Variants in POLK observed in about 807,000 individuals in gnomAD.
POLK encodes DNA polymerase kappa, also known as polymerase (DNA directed) kappa.
Under a neutral mutation model 94.0 loss-of-function variants are expected in POLK, and 76 were observed. The ratio of observed to expected loss-of-function variants is 0.81; its 90% CI spans 0.67 to 0.98. The LOEUF (loss-of-function observed/expected upper bound fraction) is 0.98, where lower values mean the gene tolerates loss of function less well. Among genes scored for constraint, POLK ranks in the 50% least tolerant of loss-of-function variants. The pLI is 0.00. For missense variants in POLK, 954 were observed against 1,010.1 expected, an observed-to-expected ratio of 0.94 and a Z score of 0.75; for synonymous variants, 349 against 325.4, an observed-to-expected ratio of 1.07 and a Z score of -0.78.
chr5:75,583,498 C>A, intron 8 of POLK, 81 bp downstream of exon 8: 1 of 793,778 alleles, frequency 1.3e-6, no homozygotes. Flanking sequence ...GTTAATCATT[C>A]TTTGCTTAAA....
chr5:75,581,647 C>T (rs1015042657), intron 7 of POLK, 199 bp downstream of exon 7: 2 of 526,268 alleles, frequency 3.8e-6, no homozygotes, highest in African/African-American at 2.0e-5. Flanking sequence ...GACTATGAGC[C>T]TGAAGGAAAA....
At chr5:75,549,685 A>G (rs1178451474) in intron 2 of POLK, among the ~76,000 whole-genome samples, 2 of 152,176 alleles carry the variant, frequency 1.3e-5, no homozygotes, top group East Asian at 3.9e-4. Flanking sequence ...CCATAGCAAT[A>G]CAATTTACTT....
At chr5:75,587,096 C>A in intron 10 of POLK, 38 bp downstream of exon 10, 1 of 1,159,224 alleles carries the variant, frequency 8.6e-7, no homozygotes, top group Non-Finnish European at 1.3e-6. Flanking sequence ...GTGCATAATT[C>A]ATGTTATTTT....
rs200403831 is a variant in POLK, at chr5:75,558,235, G to GT, written c.255+5656dup. On this transcript the variant is annotated intron_variant, in intron 3 of 14. Coordinates refer to ENST00000241436, the Ensembl canonical transcript of POLK. ...CAATATTCTTATAATTTTTGTTGTT[G>GT]TTTTTTTTTTTTGGTCTGGGTATTG... Among the ~76,000 whole-genome samples the GT allele has an allele frequency of 5.3e-3, 714 of 134,090 alleles. 5 individuals are homozygous for GT. The highest frequency in any genetic ancestry group is 0.016 in the African/African-American group (538 of 34,576). The allele number at this position is 134,090 out of a possible 152,430, so 88.0% of individuals were successfully genotyped here. A position where few individuals can be genotyped will look rare whatever the true frequency, so the allele number is the denominator to read the frequency against.
In POLK at chr5:75,573,753, C is replaced by T. The variant is rs543440102; in HGVS notation, c.424C>T (p.His142Tyr). ...TTTCTTTCAGTCTACTTCAAATTAC[C>T]ATGCAAGGAGATTTGGTGTTCGTGC... The change falls in exon 5 of 15, where the codon CAT (histidine) becomes TAT (tyrosine). Residue 142 changes from histidine to tyrosine, a missense_variant. By Grantham distance (83) the His-to-Tyr change is moderately conservative. Coordinates refer to ENST00000241436, the Ensembl canonical transcript of POLK. 201 of 1,612,686 alleles carry T rather than the reference C, an allele frequency of 1.2e-4. 7 individuals are homozygous for T. The South Asian group carries it at 2.1e-3, about 17-fold the overall frequency.
At chr5:75,549,810 G>A (rs111843389) in intron 2 of POLK, among the ~76,000 whole-genome samples, 49 of 152,076 alleles carry the variant, frequency 3.2e-4, no homozygotes, top group African/African-American at 1.2e-3. Context: ...CAACATTTTT[G>A]CAAATATAGT....
chr5:75,581,391 G>A (rs780166089), exon 7 of POLK: 14 of 1,613,402 alleles, frequency 8.7e-6, no homozygotes, highest in Admixed American at 1.7e-5. Flanking sequence ...AGCCCAGGAA[G>A]TGGTAAAGGA....
At chr5:75,530,981 A>G (rs1769151016) in intron 1 of POLK, among the ~76,000 whole-genome samples, 1 of 150,344 alleles carries the variant, frequency 6.7e-6, no homozygotes, top group African/African-American at 2.4e-5. Flanking sequence ...AATTTTTTGT[A>G]TTTTTTTAGT....
intron 4 of POLK, among the ~76,000 whole-genome samples, chr5:75,569,851 C>T (rs574917535): frequency 6.6e-6 from 1 of 152,272 alleles, no homozygotes; most frequent in Admixed American, 6.5e-5. Context: ...GGAGTGCAAA[C>T]TCTATTGTGA....
rs531791199 is a variant in POLK, at chr5:75,541,139, C to T, written c.-13-5871C>T. On this transcript the variant is annotated intron_variant, in intron 1 of 14. Coordinates refer to ENST00000241436, the Ensembl canonical transcript of POLK. ...TCTCTACAAAAAATACAAAATTAGC[C>T]AGGCGTGGTGGTGCATGCCTGTAAT... is the stretch of plus-strand genomic sequence containing the variant. 1.7e-3 allele frequency among the ~76,000 whole-genome samples: 254 copies of T among 152,014 alleles called. 5 individuals are homozygous for T. The highest frequency in any genetic ancestry group is 5.9e-3 in the African/African-American group (244 of 41,480).
At chr5:75,574,954 T>G (rs1276033518) in intron 5 of POLK, among the ~76,000 whole-genome samples, 1 of 152,264 alleles carries the variant, frequency 6.6e-6, no homozygotes. Flanking sequence ...AGTCGTACTT[T>G]AACTCAGCAA....
At chr5:75,573,448 G>C (rs528228961) in intron 4 of POLK, among the ~76,000 whole-genome samples, 2 of 152,078 alleles carry the variant, frequency 1.3e-5, no homozygotes, top group Non-Finnish European at 2.9e-5. Context: ...CACCAACATG[G>C]CACATGTATA....
intron 11 of POLK, 106 bp downstream of exon 11, chr5:75,590,546 T>C (rs1325088229): frequency 2.8e-6 from 2 of 704,202 alleles, no homozygotes; most frequent in East Asian, 2.6e-5. Flanking sequence ...TGAATACAAA[T>C]TAATAAACGT....
intron 3 of POLK, among the ~76,000 whole-genome samples, chr5:75,561,426 A>G (rs761445805): frequency 4.6e-5 from 7 of 152,154 alleles, no homozygotes; most frequent in Non-Finnish European, 1.0e-4. Flanking sequence ...AGATGGATAG[A>G]TAGCAAAAAT....
chr5:75,511,254 G>A (rs2112493757), upstream of POLK: 6 of 1,603,432 alleles, frequency 3.7e-6, no homozygotes, highest in African/African-American at 1.3e-5. Flanking sequence ...TCCCTCAGCT[G>A]CGCCGGAGGA....
intron 1 of POLK, among the ~76,000 whole-genome samples, chr5:75,543,746 C>T (rs1175543737): frequency 6.6e-6 from 1 of 152,192 alleles, no homozygotes; most frequent in African/African-American, 2.4e-5. Flanking sequence ...TTACCTATCT[C>T]ACAATTTTGC....
chr5:75,609,625 T>A, the POLK span: 2 of 152,248 alleles, frequency 1.3e-5, no homozygotes, highest in African/African-American at 4.8e-5. Context: ...TTTTTCCATT[T>A]ACATATTATA....
At chr5:75,557,357 T>G (rs1770687125) in intron 3 of POLK, among the ~76,000 whole-genome samples, 2 of 152,232 alleles carry the variant, frequency 1.3e-5, no homozygotes, top group African/African-American at 2.4e-5. Flanking sequence ...TTTGTTGACA[T>G]CCACAAAATA....
At chr5:75,520,181 T>C (rs1286653103) in intron 1 of POLK, among the ~76,000 whole-genome samples, 1 of 152,214 alleles carries the variant, frequency 6.6e-6, no homozygotes, top group Non-Finnish European at 1.5e-5. Context: ...TTCTACACTT[T>C]AACTCTATCA....
Sources: gnomAD v4.1 joint callset for allele counts (sites outside exome capture counted in the v4.1 genomes callset) on GRCh38, gnomAD v4.1.1 for gene constraint, MANE v1.5 for transcripts, NCBI Gene and HGNC (gene_info 2026-07-23, HGNC 2026-07-21) for gene names.